TAF15: variants seen among roughly 807,000 people sequenced by gnomAD.
TAF15 encodes the protein TATA-binding protein-associated factor 2N.
A neutral mutation model predicts 102.5 loss-of-function variants in TAF15; 37 were observed. That is an observed-to-expected ratio of 0.36 (90% confidence interval 0.28 to 0.47). The LOEUF is 0.47. TAF15 is among the 20% of genes least tolerant of loss of function. The pLI is 0.99. For synonymous variants in TAF15, 273 were observed against 259.2 expected, an observed-to-expected ratio of 1.05 and a Z score of -0.51; for missense variants, 652 against 760.7, an observed-to-expected ratio of 0.86 and a Z score of 1.68.
chr17:35,841,696 C>CTTTTT (rs549802660), intron 11 of TAF15, among the ~76,000 whole-genome samples: 1 of 135,186 alleles, frequency 7.4e-6, no homozygotes. Context: ...TCACGCCCAG[C>CTTTTT]TTTTTTTTTT....
At chr17:35,811,049 C>T (rs1306267324) in intron 1 of TAF15, 12 of 152,164 alleles carry the variant, frequency 7.9e-5, no homozygotes, top group African/African-American at 4.8e-5. Flanking sequence ...TCTTATAGTA[C>T]ACCCTCACAA....
At chr17:35,825,014 AT>A (rs2087308759) in intron 7 of TAF15, among the ~76,000 whole-genome samples, 1 of 152,196 alleles carries the variant, frequency 6.6e-6, no homozygotes, top group Admixed American at 6.5e-5. Flanking sequence ...CTAAAAGGTA[AT>A]TTATGTTCCT....
At chr17:35,844,020 T>G (rs189658198) in intron 12 of TAF15, 57 bp from the exon 13 acceptor site, 1 of 1,458,010 alleles carries the variant, frequency 6.9e-7, no homozygotes, top group East Asian at 2.3e-5. Context: ...CTGATGCTTT[T>G]CTTCTGTTTT....
chr17:35,824,602 C>G (rs2087303802), intron 7 of TAF15, among the ~76,000 whole-genome samples: 1 of 152,188 alleles, frequency 6.6e-6, no homozygotes, highest in African/African-American at 2.4e-5. Flanking sequence ...AATCTCCAAT[C>G]TCCTTGGGAA....
At chr17:35,812,322 C>T (rs1277251555) in intron 1 of TAF15, among the ~76,000 whole-genome samples, 4 of 152,052 alleles carry the variant, frequency 2.6e-5, no homozygotes, top group South Asian at 4.2e-4. Context: ...AACGGCTGGG[C>T]GTGGTGGCTC....
At chr17:35,835,623 A>G (rs2087464427) in intron 9 of TAF15, among the ~76,000 whole-genome samples, 3 of 152,256 alleles carry the variant, frequency 2.0e-5, no homozygotes, top group Admixed American at 2.0e-4. Context: ...CATGTCAGGT[A>G]ACATGTACAA....
intron 7 of TAF15, among the ~76,000 whole-genome samples, chr17:35,826,724 ATTTTT>A (rs756619028): frequency 1.6e-5 from 2 of 127,994 alleles, no homozygotes; most frequent in African/African-American, 2.9e-5. Context: ...CACCCGGCTA[ATTTTT>A]TTTTTTTTTT....
At chr17:35,834,735 T>C in intron 9 of TAF15, 137 bp downstream of exon 9, 1 of 602,624 alleles carries the variant, frequency 1.7e-6, no homozygotes, top group Non-Finnish European at 2.7e-6. Flanking sequence ...TGGGGAGCTT[T>C]ATTTCTTTTT....
At chr17:35,839,816 A>G (rs191032120) in intron 11 of TAF15, among the ~76,000 whole-genome samples, 6 of 152,250 alleles carry the variant, frequency 3.9e-5, no homozygotes, top group Admixed American at 2.0e-4. Flanking sequence ...TAATACTCCA[A>G]ATAGAGTTTT....
At chr17:35,822,360 A>C (rs950692466) in intron 5 of TAF15, among the ~76,000 whole-genome samples, 3 of 152,034 alleles carry the variant, frequency 2.0e-5, no homozygotes, top group Non-Finnish European at 4.4e-5. Context: ...AAAAAAAAAA[A>C]AAGTTCAAGG....
At position 35,844,321 on chromosome 17, in the gene TAF15, A is replaced by G. The variant is rs1244721651; in HGVS notation, c.1130A>G (p.Asn377Ser). The change falls in exon 14 of 16, where the codon AAT becomes AGT. Residue 377 changes from asparagine (N) to serine (S), a missense_variant. Around this residue, in one of 3 missense-constraint regions of TAF15, gnomAD observed 368 missense variants for 367.5 expected, o/e 1.00. Coordinates refer to ENST00000605844, the MANE Select transcript of TAF15 (RefSeq NM_139215.3). ...AACTTTGCTCGAAGGAATTCCTGCA[A>G]TCAGTGCAATGAGCCTAGACCAGAG... ...NMNFARRNSC[N>S]QCNEPRPEDS... 9 of 1,614,238 alleles carry G rather than the reference A, an allele frequency of 5.6e-6. No individual in the cohort carries two copies. Among genetic ancestry groups the G allele is most frequent in the African/African-American group, 1.3e-5 (1 of 75,060 alleles).
intron 5 of TAF15, among the ~76,000 whole-genome samples, chr17:35,820,804 A>C (rs751169653): frequency 3.2e-4 from 49 of 152,140 alleles, no homozygotes; most frequent in Admixed American, 1.3e-4. Flanking sequence ...TTAACTTTTC[A>C]GGGACAAAAA....
intron 1 of TAF15, among the ~76,000 whole-genome samples, chr17:35,813,802 A>G (rs2087156975): frequency 6.6e-6 from 1 of 152,220 alleles, no homozygotes; most frequent in Admixed American, 6.5e-5. Flanking sequence ...TGAAACATTC[A>G]TACCTAGATA....
At position 35,831,514 on chromosome 17, in the gene TAF15, A is replaced by G. The variant is rs190124499; in HGVS notation, c.606-2393A>G. ...ATATCCCTTTATTTTTGCCAGGGGT[A>G]TGTCCTTTTTCTGTTGTTCAAAGTT... On this transcript the variant is annotated intron_variant, in intron 7 of 15. Coordinates refer to ENST00000605844, the MANE Select transcript of TAF15 (RefSeq NM_139215.3). Among the ~76,000 whole-genome samples, 178 of 152,102 alleles carry G rather than the reference A, an allele frequency of 1.2e-3. 1 individual carries two copies. The highest frequency in any genetic ancestry group is 4.2e-3 in the African/African-American group (173 of 41,492).
rs766945476 is a variant in TAF15 at position 35,822,663 on chromosome 17, A to G, written c.314A>G (p.Tyr105Cys). Residue 105 changes from tyrosine (Y) to cysteine (C), a missense_variant, in exon 6 of 16, where the codon TAT (tyrosine) becomes TGT (cysteine). Physicochemically the swap from Tyr to Cys is radical, Grantham distance 194. This residue lies in a region of TAF15 where 243 missense variants were observed against 284.1 expected (regional missense o/e 0.86). Coordinates refer to ENST00000605844, the MANE Select transcript of TAF15 (RefSeq NM_139215.3). ...SGSQGGRAPS[Y>C]DQPDYGQQDS... ...AGCCAAGGTGGAAGAGCACCTTCCTATGACCAGCCAGACTATGGTCAACAA... is the reference window on the plus strand; with the variant it reads ...AGCCAAGGTGGAAGAGCACCTTCCTGTGACCAGCCAGACTATGGTCAACAA... 7 of 1,613,962 alleles carry G rather than the reference A, an allele frequency of 4.3e-6. No homozygotes were observed. The highest frequency in any genetic ancestry group is 2.2e-5 in the East Asian group (1 of 44,890).
At chr17:35,846,185 T>A (rs143048865) in intron 15 of TAF15, among the ~76,000 whole-genome samples, 1 of 152,352 alleles carries the variant, frequency 6.6e-6, no homozygotes, top group African/African-American at 2.4e-5. Flanking sequence ...GGAAGCAGAC[T>A]GTCTGGGTTT....
intron 11 of TAF15, among the ~76,000 whole-genome samples, chr17:35,841,182 T>TA (rs11341792): frequency 3.9e-5 from 6 of 152,060 alleles, no homozygotes; most frequent in Admixed American, 6.5e-5. Flanking sequence ...TTGGAAATGA[T>TA]AAAAAAAATT....
At chr17:35,816,815 C>CCTT (rs2087200944) in intron 1 of TAF15, 39 of 57,410 alleles carry the variant, frequency 6.8e-4, no homozygotes, top group Admixed American at 8.9e-4. Context: ...CCCACCCCCA[C>CCTT]TTTTTTTTTT....
At chr17:35,812,855 C>A (rs564380168) in intron 1 of TAF15, among the ~76,000 whole-genome samples, 1 of 151,610 alleles carries the variant, frequency 6.6e-6, no homozygotes, top group African/African-American at 2.4e-5. Flanking sequence ...TGGCCGGGTG[C>A]GGTGGCTCAT....
Sources: gnomAD v4.1 joint callset for allele counts (sites outside exome capture counted in the v4.1 genomes callset) on GRCh38, gnomAD v4.1.1 for gene constraint, gnomAD v4.1.1 regional missense constraint, MANE v1.5 for transcripts, NCBI Gene and HGNC (gene_info 2026-07-23, HGNC 2026-07-21) for gene names.